PALLD: variants seen among roughly 807,000 people sequenced by gnomAD.
PALLD encodes the protein palladin.
Under a neutral mutation model 123.5 loss-of-function variants are expected in PALLD, and 61 were observed. The ratio of observed to expected loss-of-function variants is 0.49; its 90% CI spans 0.40 to 0.61. The LOEUF (loss-of-function observed/expected upper bound fraction) is 0.61. Ranked by LOEUF, PALLD falls within the 20% of genes least tolerant of loss-of-function variation. The probability of loss-of-function intolerance (pLI) is 0.00; values close to 1 mark genes in which losing one functional copy is unlikely to be tolerated. For synonymous variants in PALLD, 465 were observed against 496.4 expected (o/e 0.94, Z 0.84); for missense variants, 1,273 against 1,377.0 (o/e 0.92, Z 1.20).
intron 2 of PALLD, among the ~76,000 whole-genome samples, chr4:168,581,036 T>C: frequency 6.6e-6 from 1 of 151,934 alleles, no homozygotes; most frequent in Non-Finnish European, 1.5e-5. Context: ...CTATGATTTG[T>C]ACCCATGTGA....
At chr4:168,761,652 T>TTTTTTG (rs1561493826) in intron 10 of PALLD, among the ~76,000 whole-genome samples, 1 of 36,972 alleles carries the variant, frequency 2.7e-5, no homozygotes, top group Non-Finnish European at 6.0e-5. Context: ...TTTGTTTTTT[T>TTTTTTG]TTTTTTTTTT....
chr4:168,878,470 ACGCGCTCCCATCAG>A, intron 10 of PALLD: 1 of 1,123,462 alleles, frequency 8.9e-7, no homozygotes, highest in Non-Finnish European at 1.2e-6. Flanking sequence ...ATCTCCATAC[ACGCGCTCCCATCAG>A]CCTGCAACCC....
intron 10 of PALLD, chr4:168,755,801 G>A: frequency 5.8e-6 from 1 of 171,934 alleles, no homozygotes. Context: ...GATGGGAGCT[G>A]CATCTGCTGC....
intron 2 of PALLD, among the ~76,000 whole-genome samples, chr4:168,550,080 A>G (rs1325499794): frequency 6.6e-6 from 1 of 152,206 alleles, no homozygotes; most frequent in Non-Finnish European, 1.5e-5. Flanking sequence ...ACATTAGGAA[A>G]TTAATGCCAG....
chr4:168,664,972 G>A (rs952667992), intron 2 of PALLD, among the ~76,000 whole-genome samples: 11 of 152,292 alleles, frequency 7.2e-5, no homozygotes, highest in African/African-American at 2.2e-4. Flanking sequence ...TCCAGTTCAG[G>A]TTCCTCATCT....
chr4:168,783,926 T>A (rs1276430840), intron 10 of PALLD, among the ~76,000 whole-genome samples: 1 of 151,810 alleles, frequency 6.6e-6, no homozygotes, highest in Non-Finnish European at 1.5e-5. Context: ...CCCAAATGAG[T>A]GATCAGTAAG....
chr4:168,926,568 C>G lies in PALLD; in HGVS notation c.*388C>G. On this transcript the variant is annotated 3_prime_UTR_variant, in exon 22 of 22. Transcript: ENST00000505667. ...TTAGTTTAAGTAGATAATGCTAATA[C>G]AAATATACACATTGCACAGAAAATA... The G allele has an allele frequency of 1.9e-6, 1 of 526,004 alleles. No homozygotes were observed. Among genetic ancestry groups the G allele is most frequent in the Non-Finnish European group, 3.3e-6 (1 of 298,796 alleles). 32.6% of individuals were successfully genotyped at this position (526,004 alleles called of 1,614,324 possible). A position where few individuals can be genotyped will look rare whatever the true frequency, so the allele number is the denominator to read the frequency against.
chr4:168,810,689 T>C (rs1740956496), intron 10 of PALLD, among the ~76,000 whole-genome samples: 1 of 150,978 alleles, frequency 6.6e-6, no homozygotes, highest in Non-Finnish European at 1.5e-5. Flanking sequence ...ACGCCTGTAG[T>C]CCCAGCTACT....
intron 12 of PALLD, among the ~76,000 whole-genome samples, chr4:168,895,153 G>A (rs1754836217): frequency 6.6e-6 from 1 of 152,160 alleles, no homozygotes; most frequent in Non-Finnish European, 1.5e-5. Flanking sequence ...GGAGGCTGAG[G>A]TGGGTGGATC....
chr4:168,711,962 C>A (rs747460112), intron 10 of PALLD, 39 bp downstream of exon 10: 1 of 1,542,460 alleles, frequency 6.5e-7, no homozygotes, highest in South Asian at 1.1e-5. Flanking sequence ...ATTTCCATAC[C>A]CCTGTTACAT....
At chr4:168,627,499 G>A (rs1441356651) in intron 2 of PALLD, among the ~76,000 whole-genome samples, 2 of 152,104 alleles carry the variant, frequency 1.3e-5, no homozygotes, top group Non-Finnish European at 2.9e-5. Context: ...GACAGAGTGA[G>A]ACTCTGTCTC....
chr4:168,553,211 GT>G, intron 2 of PALLD, among the ~76,000 whole-genome samples: 1 of 152,116 alleles, frequency 6.6e-6, no homozygotes, highest in East Asian at 1.9e-4. Context: ...ATTCTTTACT[GT>G]CCCCATATGT....
chr4:168,878,157 C>T (rs1752058548), intron 10 of PALLD: 1 of 1,492,560 alleles, frequency 6.7e-7, no homozygotes, highest in Non-Finnish European at 8.9e-7. Flanking sequence ...CCGTCGCCCC[C>T]GCCCCCGCCA....
intron 10 of PALLD, among the ~76,000 whole-genome samples, chr4:168,847,995 C>T (rs1747139063): frequency 6.6e-6 from 1 of 152,112 alleles, no homozygotes; most frequent in Non-Finnish European, 1.5e-5. Flanking sequence ...TTTTACTTCC[C>T]TGTAATAGTT....
chr4:168,512,363 C>A lies in PALLD; in HGVS notation c.859C>A (p.Arg287=), dbSNP rs138149986. The part of the protein sequence containing the change: ...LRSQEVAEGS[R]VYLECRVTGN... ...GAGCCAAGAAGTAGCAGAAGGGAGCCGAGTTTATCTGGAGTGTAGAGTCAC... is the reference window on the plus strand; with the variant it reads ...GAGCCAAGAAGTAGCAGAAGGGAGCAGAGTTTATCTGGAGTGTAGAGTCAC... The change falls in exon 2 of 22, where the codon CGA becomes AGA. Residue 287 remains arginine, a synonymous_variant. Transcript: ENST00000505667. The A allele has an allele frequency of 6.2e-7, 1 of 1,613,766 alleles. No homozygotes were observed. Among genetic ancestry groups the A allele is most frequent in the African/African-American group, 1.3e-5 (1 of 74,910 alleles).
intron 10 of PALLD, among the ~76,000 whole-genome samples, chr4:168,801,371 C>T (rs1368622007): frequency 6.6e-6 from 1 of 152,146 alleles, no homozygotes; most frequent in Non-Finnish European, 1.5e-5. Flanking sequence ...CTCTGCCTCC[C>T]GGGTTCAAGC....
intron 10 of PALLD, among the ~76,000 whole-genome samples, chr4:168,889,344 A>C (rs1345395841): frequency 6.6e-6 from 1 of 151,612 alleles, no homozygotes; most frequent in Non-Finnish European, 1.5e-5. Flanking sequence ...TTGTATTTTT[A>C]GTAGAGACGG....
chr4:168,780,678 G>T (rs1302563405), intron 10 of PALLD, among the ~76,000 whole-genome samples: 2 of 152,032 alleles, frequency 1.3e-5, no homozygotes, highest in East Asian at 1.9e-4. Flanking sequence ...TGTAGTTTTG[G>T]TTTTTTTGTT....
intron 10 of PALLD, among the ~76,000 whole-genome samples, chr4:168,860,181 C>T (rs1345326475): frequency 2.0e-5 from 3 of 152,180 alleles, no homozygotes; most frequent in South Asian, 2.1e-4. Flanking sequence ...TATCTTTTCG[C>T]GTCTGAAAAC....
Sources: allele counts gnomAD v4.1 joint callset (sites outside exome capture counted in the v4.1 genomes callset), GRCh38; gene constraint gnomAD v4.1.1; transcripts MANE v1.5; gene names NCBI Gene and HGNC (gene_info 2026-07-23, HGNC 2026-07-21).